ZFPM1: variants seen among roughly 807,000 people sequenced by gnomAD.
The protein encoded by ZFPM1 is zinc finger protein, FOG family member 1.
ZFPM1 carries 28 observed loss-of-function variants against 46.3 expected under a neutral mutation model. The ratio of observed to expected loss-of-function variants is 0.60; its 90% CI spans 0.45 to 0.83. ZFPM1 has a LOEUF of 0.83. ZFPM1 is among the 40% of genes least tolerant of loss of function. The pLI is 0.00. For missense variants in ZFPM1, 1,878 were observed against 1,432.4 expected (o/e 1.31, Z -5.02); for synonymous variants, 957 against 675.9 (o/e 1.42, Z -6.45).
intron 1 of ZFPM1, among the ~76,000 whole-genome samples, chr16:88,466,273 G>A (rs917622731): frequency 2.6e-5 from 4 of 152,170 alleles, no homozygotes; most frequent in East Asian, 1.9e-4. Context: ...ACCCAGCCCC[G>A]GCAGTTCTGG....
rs1408560901 is a variant in ZFPM1, at chr16:88,514,399, C to T, written c.281C>T (p.Pro94Leu). Residue 94 changes from proline to leucine, a missense_variant, in exon 4 of 10, where the codon CCG (proline) becomes CTG (leucine). Physicochemically the swap from Pro to Leu is moderately conservative, Grantham distance 98 (BLOSUM62 -3). Coordinates refer to ENST00000319555, the MANE Select transcript of ZFPM1 (RefSeq NM_153813.3). ...TGTCTCTCTGCAGACGAGCTGGAGCCGGTGGTGCAGGATGGGCAGAGGCGC... is the reference window on the plus strand; with the variant it reads ...TGTCTCTCTGCAGACGAGCTGGAGCTGGTGGTGCAGGATGGGCAGAGGCGC... ...SPWSGPDELEPVVQDGQRRIR... is the reference protein window; with the variant it reads ...SPWSGPDELELVVQDGQRRIR... 11 of 1,564,776 alleles carry T rather than the reference C, an allele frequency of 7.0e-6. No homozygotes were observed. The highest frequency in any genetic ancestry group is 1.4e-5 in the African/African-American group (1 of 73,858).
chr16:88,528,943 G>C (rs999145343), intron 6 of ZFPM1, among the ~76,000 whole-genome samples: 8 of 152,200 alleles, frequency 5.3e-5, no homozygotes, highest in Non-Finnish European at 1.2e-4. Context: ...CACTCTTGCA[G>C]TGGCTCTCTC....
rs1247776645 is a variant in ZFPM1, at chr16:88,475,898, A to G, written c.41-10041A>G. ...TGCTCAGCCTGGACACCATTCGGCC[A>G]GAGGCTGGGCGTGGCTGTGGGCCCA... On this transcript the variant is annotated intron_variant, in intron 1 of 9. Coordinates refer to ENST00000319555, the MANE Select transcript of ZFPM1 (RefSeq NM_153813.3). Among the ~76,000 whole-genome samples, 4 of 152,120 alleles carry G rather than the reference A, an allele frequency of 2.6e-5. No homozygotes were observed. In the East Asian group the frequency reaches 7.7e-4, roughly 29 times the overall value.
In ZFPM1 at chr16:88,533,630, G is replaced by A. The variant is rs1912990868; in HGVS notation, c.1672G>A (p.Ala558Thr). 1.4e-6 allele frequency: 2 copies of A among 1,459,896 alleles called. No individual in the cohort carries two copies. The highest frequency in any genetic ancestry group is 9.1e-7 in the Non-Finnish European group (1 of 1,104,830). 90.4% of individuals were successfully genotyped at this position (1,459,896 alleles called of 1,614,324 possible). A position where few individuals can be genotyped will look rare whatever the true frequency, so the allele number is the denominator to read the frequency against. ...GGTGCACAGCCGGCTGCAGCAGGGC[G>A]CGGGCGCGGGCGCCGGCGGCGCGCA... The part of the protein sequence containing the change: ...ELVHSRLQQG[A>T]GAGAGGAQTG... Residue 558 changes from alanine to threonine, a missense_variant, in exon 10 of 10, where the codon GCG (alanine) becomes ACG (threonine). By Grantham distance (58) the Ala-to-Thr change is moderately conservative. Transcript: ENST00000319555.
Position 88,499,684 on chromosome 16 carries a change from G to A in ZFPM1, c.268+10531G>A, listed in dbSNP as rs572586739. 1.9e-3 allele frequency among the ~76,000 whole-genome samples: 287 copies of A among 152,340 alleles called. 2 individuals are homozygous for A. Among genetic ancestry groups the A allele is most frequent in the African/African-American group, 6.5e-3 (269 of 41,582 alleles). Reference sequence around the variant, plus strand: ...CAGAGGGAGATCTGAGAAAGGGCTTGGCTGAAGTGGGCAGTGTCCCCATTC... The same window carrying A: ...CAGAGGGAGATCTGAGAAAGGGCTTAGCTGAAGTGGGCAGTGTCCCCATTC... On this transcript the variant is annotated intron_variant, in intron 3 of 9. Coordinates refer to ENST00000319555, the MANE Select transcript of ZFPM1 (RefSeq NM_153813.3).
chr16:88,511,787 G>C (rs1006142751), intron 3 of ZFPM1, among the ~76,000 whole-genome samples: 12 of 152,166 alleles, frequency 7.9e-5, no homozygotes, highest in Non-Finnish European at 1.3e-4. Flanking sequence ...GGTGAGCTGG[G>C]GCTAAGATCA....
At chr16:88,485,391 A>G (rs535939328) in intron 1 of ZFPM1, among the ~76,000 whole-genome samples, 1 of 150,394 alleles carries the variant, frequency 6.6e-6, no homozygotes, top group East Asian at 2.0e-4. Flanking sequence ...GCGACCCTGC[A>G]GCTTTGGAAA....
At chr16:88,508,338 G>A (rs370567721) in intron 3 of ZFPM1, among the ~76,000 whole-genome samples, 1 of 152,100 alleles carries the variant, frequency 6.6e-6, no homozygotes, top group Non-Finnish European at 1.5e-5. Flanking sequence ...CCCCAGCCTC[G>A]TCCCCCATGC....
chr16:88,459,822 C>T (rs1328928160), intron 1 of ZFPM1, among the ~76,000 whole-genome samples: 2 of 133,610 alleles, frequency 1.5e-5, no homozygotes, highest in Non-Finnish European at 3.2e-5. Flanking sequence ...CCTTCATGGT[C>T]AATCACTTGG....
chr16:88,520,923 CGGTGGGTGGGTGGATGATTA>C (rs1304292871), intron 4 of ZFPM1, among the ~76,000 whole-genome samples: 10 of 55,290 alleles, frequency 1.8e-4, no homozygotes, highest in East Asian at 5.7e-4. Flanking sequence ...ATGGATGATT[CGGTGGGTGGGTGGATGATTA>C]GGTGGGTGGG....
In ZFPM1 at chr16:88,528,255, C is replaced by G; in HGVS notation, c.712+17C>G. ...TGATCAACAGTAAGTGCTGGGCTCT[C>G]CGCACCCAGGGCGGCTGCTCCACCA... On this transcript the variant is annotated intron_variant, in intron 6 of 9. Coordinates refer to ENST00000319555, the MANE Select transcript of ZFPM1 (RefSeq NM_153813.3). 1 of 1,578,016 alleles carries G rather than the reference C, an allele frequency of 6.3e-7. No homozygotes were observed. The highest frequency in any genetic ancestry group is 8.6e-7 in the Non-Finnish European group (1 of 1,157,222).
At chr16:88,491,085 G>T (rs1392676788) in intron 3 of ZFPM1, among the ~76,000 whole-genome samples, 1 of 151,522 alleles carries the variant, frequency 6.6e-6, no homozygotes, top group African/African-American at 2.4e-5. Context: ...GCGGGTCCCA[G>T]TCAGGCGCTG....
rs1399589526 is a variant in ZFPM1 at position 88,533,949 on chromosome 16, A to G, written c.1991A>G (p.Glu664Gly). 3 of 1,281,416 alleles carry G rather than the reference A, an allele frequency of 2.3e-6. 1 individual carries two copies. The highest frequency in any genetic ancestry group is 2.6e-5 in the South Asian group (2 of 76,116). The allele number at this position is 1,281,416 out of a possible 1,614,324, so 79.4% of individuals were successfully genotyped here. A position where few individuals can be genotyped will look rare whatever the true frequency, so the allele number is the denominator to read the frequency against. Residue 664 changes from glutamate to glycine, a missense_variant, in exon 10 of 10, where the codon GAG becomes GGG. By Grantham distance (98) the Glu-to-Gly change is moderately conservative. Transcript: ENST00000319555. ...GACGGCGCGGGCGGCCGGGGCAGCG[A>G]GGGCAGCCAGAGCCCGGGTAGCTCC... ...PEDGAGGRGS[E>G]GSQSPGSSVD...
At chr16:88,526,295 G>GT (rs1912314474) in intron 4 of ZFPM1, among the ~76,000 whole-genome samples, 1 of 152,198 alleles carries the variant, frequency 6.6e-6, no homozygotes, top group East Asian at 1.9e-4. Context: ...GGGAAGTGCC[G>GT]TATCTTCTGG....
At chr16:88,531,894 G>A in intron 6 of ZFPM1, 108 bp from the exon 7 acceptor site, 1 of 1,075,748 alleles carries the variant, frequency 9.3e-7, no homozygotes, top group Non-Finnish European at 1.3e-6. Flanking sequence ...CTCCTGGGGT[G>A]GGGAGGACGG....
intron 2 of ZFPM1, among the ~76,000 whole-genome samples, chr16:88,487,154 A>C (rs1408280070): frequency 6.6e-6 from 1 of 152,174 alleles, no homozygotes; most frequent in East Asian, 1.9e-4. Flanking sequence ...CCCCAGACAC[A>C]TCCAGAGACC....
chr16:88,511,599 C>G (rs1910965291), intron 3 of ZFPM1, among the ~76,000 whole-genome samples: 2 of 152,214 alleles, frequency 1.3e-5, no homozygotes. Context: ...GGCACCCCAT[C>G]TGCCAGGAGT....
At chr16:88,484,668 C>T (rs1005573592) in intron 1 of ZFPM1, among the ~76,000 whole-genome samples, 5 of 152,126 alleles carry the variant, frequency 3.3e-5, no homozygotes, top group African/African-American at 1.2e-4. Context: ...AGGGGGCAGT[C>T]GCAGCACGCA....
rs575438749 is a variant in ZFPM1 at position 88,526,805 on chromosome 16, C to A, written c.403-9C>A. The A allele has an allele frequency of 3.0e-5, 46 of 1,538,980 alleles. No homozygotes were observed. The East Asian group carries it at 5.9e-4, about 20-fold the overall frequency. On this transcript the variant is annotated splice_polypyrimidine_tract_variant and intron_variant, in intron 4 of 9. Transcript: ENST00000319555. ...CCCCTCCCCACGTGTTCCTACCCTCCCCCCCCAGAGCCCAGCCCTGACCCT... is the reference window on the plus strand; with the variant it reads ...CCCCTCCCCACGTGTTCCTACCCTCACCCCCCAGAGCCCAGCCCTGACCCT...
Sources: gnomAD v4.1 joint callset for allele counts (sites outside exome capture counted in the v4.1 genomes callset) on GRCh38, gnomAD v4.1.1 for gene constraint, MANE v1.5 for transcripts, NCBI Gene and HGNC (gene_info 2026-07-23, HGNC 2026-07-21) for gene names.